MAGI3: variants seen among roughly 807,000 people sequenced by gnomAD.
MAGI3 encodes membrane-associated guanylate kinase, WW and PDZ domain-containing protein 3.
A neutral mutation model predicts 121.8 loss-of-function variants in MAGI3; 43 were observed. The observed-to-expected ratio is 0.35, with a 90% confidence interval of 0.28 to 0.46. The LOEUF (loss-of-function observed/expected upper bound fraction) is 0.46, where lower values mean the gene tolerates loss of function less well. Among genes scored for constraint, MAGI3 ranks in the 20% least tolerant of loss-of-function variants. MAGI3 has a pLI of 1.00. For synonymous variants in MAGI3, 553 were observed against 639.3 expected, an observed-to-expected ratio of 0.86 and a Z score of 2.04; for missense variants, 1,547 against 1,797.3, an observed-to-expected ratio of 0.86 and a Z score of 2.52.
rs1472262960 is a variant in MAGI3, at chr1:113,497,300, A to G, written c.317-52215A>G. Among the ~76,000 whole-genome samples, 10 of 129,980 alleles carry G rather than the reference A, an allele frequency of 7.7e-5. 1 individual carries two copies. Among genetic ancestry groups the G allele is most frequent in the Non-Finnish European group, 1.5e-4 (9 of 60,978 alleles). The allele number at this position is 129,980 out of a possible 152,430, so 85.3% of individuals were successfully genotyped here. The stretch of plus-strand genomic sequence containing the variant: ...TGATTTCTGCATTTCCATCTGAGGT[A>G]CCGGGTTCATCTCACTAGGGAGTGC... On this transcript the variant is annotated intron_variant, in intron 1 of 20. Transcript: ENST00000307546.
chr1:113,556,803 C>T (rs760295711), intron 2 of MAGI3, among the ~76,000 whole-genome samples: 34 of 152,038 alleles, frequency 2.2e-4, no homozygotes, highest in African/African-American at 7.7e-4. Context: ...TGAGCTCAAG[C>T]GATCCTCTGG....
intron 1 of MAGI3, among the ~76,000 whole-genome samples, chr1:113,473,204 C>A (rs1157664105): frequency 6.6e-6 from 1 of 152,002 alleles, no homozygotes; most frequent in Admixed American, 6.6e-5. Flanking sequence ...TGAAGGACAC[C>A]TTTGCTAGGT....
At chr1:113,604,139 T>G (rs548157050) in intron 6 of MAGI3, among the ~76,000 whole-genome samples, 1 of 152,068 alleles carries the variant, frequency 6.6e-6, no homozygotes, top group African/African-American at 2.4e-5. Flanking sequence ...TGGGCACCTA[T>G]CCAAAGAAAA....
At chr1:113,523,486 T>C (rs1444896514) in intron 1 of MAGI3, among the ~76,000 whole-genome samples, 1 of 152,168 alleles carries the variant, frequency 6.6e-6, no homozygotes, top group East Asian at 1.9e-4. Context: ...GCTGAGGTGG[T>C]CTCAGATGGA....
chr1:113,641,893 A>G lies in MAGI3; in HGVS notation c.1361-18A>G, dbSNP rs777449565. The G allele has an allele frequency of 1.3e-6, 2 of 1,538,850 alleles. No individual in the cohort carries two copies. The highest frequency in any genetic ancestry group is 2.5e-5 in the South Asian group (2 of 78,602). On this transcript the variant is annotated intron_variant, in intron 9 of 20. Transcript: ENST00000307546. ...ATTTGTTGATTTTAATATTTTTAACATGATTATGTTTTTCCAGGCGATGTT... is the reference window on the plus strand; with the variant it reads ...ATTTGTTGATTTTAATATTTTTAACGTGATTATGTTTTTCCAGGCGATGTT...
chr1:113,509,198 C>T (rs1657489157), intron 1 of MAGI3, among the ~76,000 whole-genome samples: 1 of 152,020 alleles, frequency 6.6e-6, no homozygotes, highest in Non-Finnish European at 1.5e-5. Context: ...ATCGTTTACT[C>T]ATTTTAAAAC....
At chr1:113,537,441 A>G (rs931078847) in intron 1 of MAGI3, among the ~76,000 whole-genome samples, 2 of 152,140 alleles carry the variant, frequency 1.3e-5, no homozygotes, top group Non-Finnish European at 2.9e-5. Context: ...AGGTTTGCCT[A>G]CTGACATCAC....
intron 15 of MAGI3, among the ~76,000 whole-genome samples, chr1:113,654,254 C>T (rs760240587): frequency 3.3e-5 from 5 of 152,096 alleles, no homozygotes; most frequent in Non-Finnish European, 5.9e-5. Flanking sequence ...TCAGTAGCTC[C>T]ATTTGCCTCA....
At chr1:113,625,854 T>C (rs1651205937) in intron 9 of MAGI3, among the ~76,000 whole-genome samples, 1 of 152,210 alleles carries the variant, frequency 6.6e-6, no homozygotes, top group South Asian at 2.1e-4. Context: ...TTTTATTATA[T>C]TGAGGTATGT....
chr1:113,684,307 T>C lies in MAGI3; in HGVS notation c.*293T>C, dbSNP rs1035442987. ...CATGAGTGTCTGAACAAATGACATA[T>C]GTTGATATTAACAATGTGGTCACAA... is the stretch of plus-strand genomic sequence containing the variant. On this transcript the variant is annotated 3_prime_UTR_variant, in exon 21 of 21. Coordinates refer to ENST00000307546, the MANE Select transcript of MAGI3 (RefSeq NM_001142782.2). The C allele has an allele frequency of 2.6e-5, 6 of 228,446 alleles. No individual in the cohort carries two copies. The highest frequency in any genetic ancestry group is 1.1e-4 in the South Asian group (1 of 9,514). 14.2% of individuals were successfully genotyped at this position (228,446 alleles called of 1,614,324 possible). A position where few individuals can be genotyped will look rare whatever the true frequency, so the allele number is the denominator to read the frequency against.
chr1:113,533,924 A>G (rs11102649), intron 1 of MAGI3, among the ~76,000 whole-genome samples: 35,453 of 150,706 alleles, frequency 0.24, 5,206 homozygotes, highest in East Asian at 0.65. Flanking sequence ...ATTTCTTTTT[A>G]ATTTTTGAGT....
chr1:113,530,602 TA>T (rs113902871), intron 1 of MAGI3, among the ~76,000 whole-genome samples: 22,410 of 143,628 alleles, frequency 0.16, 2,590 homozygotes, highest in East Asian at 0.62. Flanking sequence ...AAATAAAAGT[TA>T]AAAAAAAAAA....
In MAGI3 at chr1:113,536,159, T is replaced by TA. The variant is rs71090707; in HGVS notation, c.317-13349dup. Among the ~76,000 whole-genome samples, 211 of 147,654 alleles carry TA rather than the reference T, an allele frequency of 1.4e-3. 1 individual carries two copies. Among genetic ancestry groups the TA allele is most frequent in the Middle Eastern group, 3.5e-3 (1 of 288 alleles). Reference sequence around the variant, plus strand: ...GAAGACATGTGTTTTTTTTTTTTTTTAAAAAAATTTGATTAGACAGTATGA... The same window carrying TA: ...GAAGACATGTGTTTTTTTTTTTTTTTAAAAAAAATTTGATTAGACAGTATGA... On this transcript the variant is annotated intron_variant, in intron 1 of 20. Transcript: ENST00000307546.
chr1:113,640,841 A>G (rs1652413312), intron 9 of MAGI3, among the ~76,000 whole-genome samples: 1 of 149,360 alleles, frequency 6.7e-6, no homozygotes, highest in Non-Finnish European at 1.5e-5. Flanking sequence ...ACTTATACCT[A>G]TGTAACAAAT....
rs938415051 is a variant in MAGI3 at position 113,422,392 on chromosome 1, C to T, written c.316+31043C>T. ...CGGTGGCACCTCTACTTGAGTTTTG[C>T]TCGCACCTGCTGGGCTCGTTCTGCC... On this transcript the variant is annotated intron_variant, in intron 1 of 20. Transcript: ENST00000307546. This position sits in a 1 kb window ranked among gnomAD's most constrained non-coding sequence, Gnocchi z 4.3. Among the ~76,000 whole-genome samples, 1 of 152,248 alleles carries T rather than the reference C, an allele frequency of 6.6e-6. No individual in the cohort carries two copies. The highest frequency in any genetic ancestry group is 2.4e-5 in the African/African-American group (1 of 41,458).
chr1:113,413,712 T>G (rs1372591152), intron 1 of MAGI3, among the ~76,000 whole-genome samples: 4 of 152,120 alleles, frequency 2.6e-5, no homozygotes, highest in African/African-American at 9.7e-5. Context: ...TGCCTGTGAT[T>G]TTTGCAGATT....
At position 113,412,663 on chromosome 1, in the gene MAGI3, G is replaced by A. The variant is rs140149828; in HGVS notation, c.316+21314G>A. Among the ~76,000 whole-genome samples the A allele has an allele frequency of 3.4e-3, 525 of 152,188 alleles. 4 individuals are homozygous for A. Among genetic ancestry groups the A allele is most frequent in the African/African-American group, 0.012 (494 of 41,522 alleles). On this transcript the variant is annotated intron_variant, in intron 1 of 20. Transcript: ENST00000307546. ...TTTTCATGTGTCTCTTGGCTGCATA[G>A]ATGTCTTCTTTTGAGATGTGTCTGT...
chr1:113,537,367 GCTCATACA>G lies in MAGI3; in HGVS notation c.317-12145_317-12138del, dbSNP rs1659056965. Among the ~76,000 whole-genome samples the G allele has an allele frequency of 2.6e-5, 4 of 152,182 alleles. No individual in the cohort carries two copies. In the South Asian group the frequency reaches 8.3e-4, roughly 31 times the overall value. ...GTGAATTAGAAGGTACTCTGCCACA[GCTCATACA>G]CTTTTTGTCATGTACTATTCCACTC... On this transcript the variant is annotated intron_variant, in intron 1 of 20. Coordinates refer to ENST00000307546, the MANE Select transcript of MAGI3 (RefSeq NM_001142782.2).
chr1:113,602,454 C>G (rs1176514434), intron 6 of MAGI3, among the ~76,000 whole-genome samples: 1 of 152,152 alleles, frequency 6.6e-6, no homozygotes, highest in Non-Finnish European at 1.5e-5. Context: ...ACCTGAGATA[C>G]AGCAAAGCAG....
Sources: gnomAD v4.1 joint callset for allele counts (sites outside exome capture counted in the v4.1 genomes callset) on GRCh38, gnomAD v4.1.1 for gene constraint, Gnocchi (gnomAD v3.1) non-coding constraint, MANE v1.5 for transcripts, NCBI Gene and HGNC (gene_info 2026-07-23, HGNC 2026-07-21) for gene names.